IDH1: variants seen among roughly 807,000 people sequenced by gnomAD.
IDH1 encodes isocitrate dehydrogenase (NADP(+)) 1.
IDH1 carries 33 observed loss-of-function variants against 46.1 expected under a neutral mutation model. That is an observed-to-expected ratio of 0.72 (90% CI 0.54 to 0.96). The LOEUF is 0.96. Ranked by LOEUF, IDH1 falls within the 40% of genes least tolerant of loss-of-function variation. IDH1 has a pLI of 0.00. For missense variants in IDH1, 421 were observed against 515.7 expected, an observed-to-expected ratio of 0.82 and a Z score of 1.78; for synonymous variants, 144 against 172.8, an observed-to-expected ratio of 0.83 and a Z score of 1.31.
At chr2:208,252,792 AG>A (rs920970360) in intron 2 of IDH1, among the ~76,000 whole-genome samples, 3 of 152,244 alleles carry the variant, frequency 2.0e-5, no homozygotes, top group Non-Finnish European at 4.4e-5. Flanking sequence ...TCCAATCCCC[AG>A]GCCCATTTTC....
At chr2:208,239,412 T>C (rs1321082046) in intron 8 of IDH1, among the ~76,000 whole-genome samples, 179 bp from the exon 9 acceptor site, 1 of 152,176 alleles carries the variant, frequency 6.6e-6, no homozygotes, top group African/African-American at 2.4e-5. Flanking sequence ...ACAGAAACTT[T>C]AAAAAAACAC....
intron 9 of IDH1, 145 bp from the exon 10 acceptor site, chr2:208,237,314 A>G (rs1468894558): frequency 4.5e-6 from 3 of 672,406 alleles, no homozygotes; most frequent in Non-Finnish European, 8.1e-6. Flanking sequence ...TACAAAATCT[A>G]TAGACAATGA....
chr2:208,250,300 CT>C (rs11370730), intron 3 of IDH1, among the ~76,000 whole-genome samples: 9 of 147,082 alleles, frequency 6.1e-5, no homozygotes, highest in African/African-American at 1.5e-4. Flanking sequence ...TCCTAAGATG[CT>C]TTTTTTTTTT....
chr2:208,245,789 CAAA>C (rs11305109), intron 4 of IDH1, among the ~76,000 whole-genome samples: 1,427 of 117,324 alleles, frequency 0.012, 39 homozygotes, highest in African/African-American at 0.031. Context: ...ACCCCCCCCC[CAAA>C]AAAAAAAAAA....
In IDH1 at chr2:208,245,302, G is replaced by A. The variant is rs747728869; in HGVS notation, c.520+17C>T. Reference sequence around the variant, plus strand: ...TTGTTTAAAAAAAAAAGAAGCTTATGCTACAGTCATACATACCTTCAAAGT... The same window carrying A: ...TTGTTTAAAAAAAAAAGAAGCTTATACTACAGTCATACATACCTTCAAAGT... On this transcript the variant is annotated intron_variant, in intron 5 of 9. Transcript: ENST00000345146. 4 of 1,247,242 alleles carry A rather than the reference G, an allele frequency of 3.2e-6. No homozygotes were observed. Among genetic ancestry groups the A allele is most frequent in the Middle Eastern group, 2.6e-4 (1 of 3,870 alleles). 77.3% of individuals were successfully genotyped at this position (1,247,242 alleles called of 1,614,324 possible).
chr2:208,241,600 A>C (rs546329654), intron 7 of IDH1, among the ~76,000 whole-genome samples: 1 of 152,254 alleles, frequency 6.6e-6, no homozygotes, highest in African/African-American at 2.4e-5. Flanking sequence ...CCTGCTGCCC[A>C]ATAAATGAGC....
chr2:208,241,856 AGCTGTCAGGTAAGACGGTG>A (rs1687925118), intron 7 of IDH1, 119 bp downstream of exon 7: 1 of 792,082 alleles, frequency 1.3e-6, no homozygotes, highest in East Asian at 2.6e-5. Context: ...TAATTTCCTT[AGCTGTCAGGTAAGACGGTG>A]GACCTGGAGG....
At position 208,251,548 on chromosome 2, in the gene IDH1, A is replaced by G. The variant is rs751591193; in HGVS notation, c.4T>C (p.Ser2Pro). The G allele has an allele frequency of 5.6e-6, 9 of 1,613,492 alleles. No homozygotes were observed. The highest frequency in any genetic ancestry group is 5.0e-5 in the Admixed American group (3 of 59,976). Residue 2 changes from serine to proline, a missense_variant, in exon 3 of 10, where the codon TCC becomes CCC. By Grantham distance (74) the Ser-to-Pro change is moderately conservative. Transcript: ENST00000345146. ...ACAGAACCGCCACTGATTTTTTTGG[A>G]CATTTTGACTTCAATAAACCTAAAA... M[S>P]KKISGGSVVE...
intron 7 of IDH1, 59 bp downstream of exon 7, chr2:208,241,934 CA>C: frequency 6.3e-7 from 1 of 1,581,124 alleles, no homozygotes; most frequent in African/African-American, 1.3e-5. Flanking sequence ...CTCCCCTTCC[CA>C]AATTAGAGAA....
In IDH1 at chr2:208,241,127, C is replaced by T. The variant is rs143763006; in HGVS notation, c.850+867G>A. 1.7e-3 allele frequency among the ~76,000 whole-genome samples: 255 copies of T among 152,340 alleles called. 1 individual carries two copies. Among genetic ancestry groups the T allele is most frequent in the African/African-American group, 5.8e-3 (241 of 41,578 alleles). On this transcript the variant is annotated intron_variant, in intron 7 of 9. Transcript: ENST00000345146. ...TGTGTTTCTGTTGATTTGGCCCTTA[C>T]CCCATGCATGAAACTTCTCCTGGAA...
Position 208,237,123 on chromosome 2 carries a change from G to T in IDH1, c.1201C>A (p.Leu401Ile). 6.2e-7 allele frequency: 1 copy of T among 1,610,264 alleles called. No individual in the cohort carries two copies. Among genetic ancestry groups the T allele is most frequent in the Non-Finnish European group, 8.5e-7 (1 of 1,177,018 alleles). ...AGTTTGATCTTCAAGTTTTCTCCAA[G>T]TTTATCCATGAACTCAAATGTATTC... Reference protein sequence around the residue: ...YLNTFEFMDKLGENLKIKLAQ... With the variant: ...YLNTFEFMDKIGENLKIKLAQ... Residue 401 changes from leucine (L) to isoleucine (I), a missense_variant, in exon 10 of 10, where the codon CTT becomes ATT. Coordinates refer to ENST00000345146, the MANE Select transcript of IDH1 (RefSeq NM_005896.4).
chr2:208,242,005 G>A lies in IDH1; in HGVS notation c.839C>T (p.Ser280Phe), dbSNP rs757389021. 1 of 1,612,230 alleles carries A rather than the reference G, an allele frequency of 6.2e-7. No individual in the cohort carries two copies. Among genetic ancestry groups the A allele is most frequent in the East Asian group, 2.2e-5 (1 of 44,876 alleles). Reference protein sequence around the residue: ...KNYDGDVQSDSVAQGYGSLGM... With the variant: ...KNYDGDVQSDFVAQGYGSLGM... The stretch of plus-strand genomic sequence containing the variant: ...CTCCACCTCTGTACCTTGGGCCACA[G>A]AGTCCGACTGCACGTCACCATCATA... The change falls in exon 7 of 10, where the codon TCT becomes TTT. Residue 280 changes from serine to phenylalanine, a missense_variant. Coordinates refer to ENST00000345146, the MANE Select transcript of IDH1 (RefSeq NM_005896.4).
At chr2:208,252,703 A>G (rs1439936186) in intron 2 of IDH1, among the ~76,000 whole-genome samples, 1 of 152,246 alleles carries the variant, frequency 6.6e-6, no homozygotes, top group Admixed American at 6.5e-5. Flanking sequence ...AAATTGAGCT[A>G]AAGTAATTTG....
In IDH1 at chr2:208,251,462, G is replaced by A. The variant is rs1431581254; in HGVS notation, c.90C>T (p.Leu30=). ...GATCCAATTCCACGTAGGGAAAAAT[G>A]AGTTTCTCTTTAATCAATTCCCAAA... is the stretch of plus-strand genomic sequence containing the variant. ...RIIWELIKEK[L]IFPYVELDLH... is the part of the protein sequence containing the mutation. Residue 30 remains leucine (L), a synonymous_variant, in exon 3 of 10, where the codon CTC becomes CTT. Coordinates refer to ENST00000345146, the MANE Select transcript of IDH1 (RefSeq NM_005896.4). 6.2e-7 allele frequency: 1 copy of A among 1,613,310 alleles called. No individual in the cohort carries two copies. Among genetic ancestry groups the A allele is most frequent in the East Asian group, 2.2e-5 (1 of 44,864 alleles).
rs765456997 is a variant in IDH1, at chr2:208,243,632, A to C, written c.521-28T>G. ...GTAGAGGAGAAGCCAGTGAGAGGAA[A>C]AAAGGGAGAAGAATAAATGTAATGT... On this transcript the variant is annotated intron_variant, in intron 5 of 9. Coordinates refer to ENST00000345146, the MANE Select transcript of IDH1 (RefSeq NM_005896.4). The C allele has an allele frequency of 7.6e-6, 12 of 1,571,094 alleles. 2 individuals are homozygous for C. In the South Asian group the frequency reaches 1.2e-4, roughly 16 times the overall value.
rs756495066 is a variant in IDH1 at position 208,239,256 on chromosome 2, C to A, written c.992-23G>T. On this transcript the variant is annotated intron_variant, in intron 8 of 9. Coordinates refer to ENST00000345146, the MANE Select transcript of IDH1 (RefSeq NM_005896.4). ...AAGCTAAAAGAGGGGAAAAAAAACA[C>A]AACACTCCAATCATCCTAGTTATAG... 4.7e-5 allele frequency: 76 copies of A among 1,612,272 alleles called. No individual in the cohort carries two copies. In the East Asian group the frequency reaches 1.6e-3, roughly 35 times the overall value.
intron 4 of IDH1, among the ~76,000 whole-genome samples, chr2:208,246,867 C>T (rs960892643): frequency 2.0e-5 from 3 of 152,040 alleles, no homozygotes; most frequent in East Asian, 1.9e-4. Flanking sequence ...TGCTTGAACC[C>T]GGGAGGCAGA....
intron 7 of IDH1, among the ~76,000 whole-genome samples, chr2:208,241,619 C>T (rs181311792): frequency 2.0e-5 from 3 of 152,208 alleles, no homozygotes; most frequent in East Asian, 1.9e-4. Context: ...GCTTTGCAGG[C>T]ACCAAAGCTT....
At chr2:208,246,254 A>G (rs886212160) in intron 4 of IDH1, among the ~76,000 whole-genome samples, 2 of 152,186 alleles carry the variant, frequency 1.3e-5, no homozygotes, top group Non-Finnish European at 2.9e-5. Flanking sequence ...CTAGACATCC[A>G]TAAGTCTTTG....
Sources: gnomAD v4.1 joint callset for allele counts (sites outside exome capture counted in the v4.1 genomes callset) on GRCh38, gnomAD v4.1.1 for gene constraint, MANE v1.5 for transcripts, NCBI Gene and HGNC (gene_info 2026-07-23, HGNC 2026-07-21) for gene names.